The following MYRIP variants were observed in gnomAD, a reference collection of about 807,000 sequenced individuals.
The protein encoded by MYRIP is rab effector MyRIP.
A neutral mutation model predicts 98.0 loss-of-function variants in MYRIP; 49 were observed. The observed-to-expected ratio is 0.50, with a 90% CI of 0.40 to 0.63. MYRIP has a LOEUF of 0.63. Ranked by LOEUF, MYRIP falls within the 30% of genes least tolerant of loss-of-function variation. The pLI, the probability that MYRIP is intolerant of heterozygous loss-of-function variation, is 0.00. For missense variants in MYRIP, 1,004 were observed against 1,058.2 expected, an observed-to-expected ratio of 0.95 and a Z score of 0.71; for synonymous variants, 404 against 409.5, an observed-to-expected ratio of 0.99 and a Z score of 0.16.
At chr3:39,817,817 G>A (rs1294481052) in intron 1 of MYRIP, among the ~76,000 whole-genome samples, 1 of 152,036 alleles carries the variant, frequency 6.6e-6, no homozygotes, top group African/African-American at 2.4e-5. Flanking sequence ...TAAATAAAAT[G>A]TATCCTCTTG....
At chr3:39,976,172 G>A (rs574108899) in intron 2 of MYRIP, among the ~76,000 whole-genome samples, 2 of 152,078 alleles carry the variant, frequency 1.3e-5, no homozygotes, top group African/African-American at 4.8e-5. Flanking sequence ...CTAATATTCA[G>A]AATCTACAAT....
chr3:39,848,896 G>A (rs1023846960), intron 1 of MYRIP, among the ~76,000 whole-genome samples: 1 of 152,080 alleles, frequency 6.6e-6, no homozygotes, highest in African/African-American at 2.4e-5. Flanking sequence ...TGGTAAGGAG[G>A]AGTTGGAAAA....
chr3:39,860,350 A>T (rs763604083), intron 1 of MYRIP, among the ~76,000 whole-genome samples: 1 of 152,198 alleles, frequency 6.6e-6, no homozygotes, highest in Non-Finnish European at 1.5e-5. Context: ...TCCAGCTTGT[A>T]CAGAGCCCAG....
In MYRIP at chr3:40,244,551, G is replaced by A. The variant is rs1953125313; in HGVS notation, c.2206G>A (p.Asp736Asn). ...TGGCACTGATGAGACCCATCTGGCGGATCTGGAGGACCAGGTGGCCACGGC... is the reference window on the plus strand; with the variant it reads ...TGGCACTGATGAGACCCATCTGGCGAATCTGGAGGACCAGGTGGCCACGGC... The part of the protein sequence containing the change: ...HSGTDETHLA[D>N]LEDQVATAAA... Residue 736 changes from aspartate to asparagine, a missense_variant, in exon 13 of 17, where the codon GAT becomes AAT. Physicochemically the swap from Asp to Asn is conservative, Grantham distance 23 (BLOSUM62 1). Around this residue, in one of 3 missense-constraint regions of MYRIP, gnomAD observed 16 missense variants for 39.5 expected, o/e 0.41. Transcript: ENST00000302541. 6.2e-7 allele frequency: 1 copy of A among 1,613,930 alleles called. No homozygotes were observed. The highest frequency in any genetic ancestry group is 1.3e-5 in the African/African-American group (1 of 74,926).
At chr3:39,838,238 A>G (rs1941685141) in intron 1 of MYRIP, among the ~76,000 whole-genome samples, 1 of 144,740 alleles carries the variant, frequency 6.9e-6, no homozygotes, top group South Asian at 2.2e-4. Flanking sequence ...GGAACTTCCA[A>G]TACTATGTTG....
intron 2 of MYRIP, among the ~76,000 whole-genome samples, chr3:39,919,697 T>G (rs1210457570): frequency 3.1e-5 from 3 of 98,052 alleles, no homozygotes; most frequent in Admixed American, 8.9e-5. Context: ...ATGTGTGGTG[T>G]GTGTGTGTGT....
At position 40,098,144 on chromosome 3, in the gene MYRIP, G is replaced by A. The variant is rs527682923; in HGVS notation, c.333-52904G>A. Among the ~76,000 whole-genome samples, 7 of 152,320 alleles carry A rather than the reference G, an allele frequency of 4.6e-5. No homozygotes were observed. In the South Asian group the frequency reaches 1.5e-3, roughly 32 times the overall value. ...TCCATGATTTCAACTTATTTTTCAA[G>A]TCAAACAACAACAGCAGCCTTTTTG... On this transcript the variant is annotated intron_variant, in intron 3 of 16. Coordinates refer to ENST00000302541, the MANE Select transcript of MYRIP (RefSeq NM_015460.4).
At chr3:39,973,508 A>G (rs1238622435) in intron 2 of MYRIP, among the ~76,000 whole-genome samples, 1 of 152,190 alleles carries the variant, frequency 6.6e-6, no homozygotes, top group Non-Finnish European at 1.5e-5. Context: ...CAGAAAGTTA[A>G]CAAAGATATC....
intron 2 of MYRIP, among the ~76,000 whole-genome samples, chr3:39,996,285 C>A (rs540319335): frequency 1.3e-5 from 2 of 152,102 alleles, no homozygotes; most frequent in Non-Finnish European, 2.9e-5. Context: ...ATTCAGGAAA[C>A]CCATCTCACA....
At chr3:40,134,994 A>G (rs1194634618) in intron 3 of MYRIP, among the ~76,000 whole-genome samples, 1 of 152,230 alleles carries the variant, frequency 6.6e-6, no homozygotes, top group African/African-American at 2.4e-5. Flanking sequence ...CTCCAAAGGA[A>G]CGCAGCTCCT....
intron 2 of MYRIP, among the ~76,000 whole-genome samples, chr3:39,910,997 C>T (rs1047827133): frequency 2.0e-5 from 3 of 152,104 alleles, no homozygotes; most frequent in Admixed American, 1.3e-4. Flanking sequence ...CTGAGTCATG[C>T]CTCAGTGTTG....
chr3:40,005,401 G>T (rs569351716), intron 2 of MYRIP, among the ~76,000 whole-genome samples: 33 of 152,336 alleles, frequency 2.2e-4, no homozygotes, highest in African/African-American at 7.2e-4. Flanking sequence ...GCATAGATAT[G>T]CCATCAGGCA....
intron 2 of MYRIP, among the ~76,000 whole-genome samples, chr3:40,034,243 G>C (rs1292269022): frequency 6.6e-6 from 1 of 152,040 alleles, no homozygotes; most frequent in Non-Finnish European, 1.5e-5. Context: ...AAACTAAAGA[G>C]CTTCTGCACA....
intron 1 of MYRIP, among the ~76,000 whole-genome samples, chr3:39,865,241 T>C (rs1942585995): frequency 6.6e-6 from 1 of 152,098 alleles, no homozygotes; most frequent in Non-Finnish European, 1.5e-5. Context: ...ATGTATAACC[T>C]GGCAAAGATT....
chr3:39,989,278 G>A (rs902644066), intron 2 of MYRIP, among the ~76,000 whole-genome samples: 6 of 152,084 alleles, frequency 3.9e-5, no homozygotes, highest in African/African-American at 1.2e-4. Flanking sequence ...GCAGTTATCA[G>A]GTCCCTCTTC....
At chr3:40,094,146 C>G (rs1948780255) in intron 3 of MYRIP, among the ~76,000 whole-genome samples, 1 of 152,170 alleles carries the variant, frequency 6.6e-6, no homozygotes. Flanking sequence ...GAGTTTATGT[C>G]CATCTGGTGA....
At chr3:40,072,904 A>G (rs4676567) in intron 3 of MYRIP, among the ~76,000 whole-genome samples, 65,280 of 151,988 alleles carry the variant, frequency 0.43, 14,400 homozygotes, top group Admixed American at 0.49. Context: ...CCATCCATCC[A>G]TAGGCAAGGT....
In MYRIP at chr3:39,980,251, C is replaced by A. The variant is rs1945857165; in HGVS notation, c.111-63799C>A. Among the ~76,000 whole-genome samples the A allele has an allele frequency of 3.3e-5, 5 of 152,276 alleles. No individual in the cohort carries two copies. In the South Asian group the frequency reaches 1.0e-3, roughly 32 times the overall value. On this transcript the variant is annotated intron_variant, in intron 2 of 16. Transcript: ENST00000302541. ...GCCTGACCCCATGGGAGCTCTGGAG[C>A]ATTAATTGTACAACAGACTTGTTCC...
intron 1 of MYRIP, among the ~76,000 whole-genome samples, chr3:39,898,529 A>G (rs1350038690): frequency 6.6e-6 from 1 of 152,146 alleles, no homozygotes; most frequent in African/African-American, 2.4e-5. Flanking sequence ...AACTCTGGAC[A>G]TCAGATTTTA....
Sources: gnomAD v4.1 joint callset for allele counts (sites outside exome capture counted in the v4.1 genomes callset) on GRCh38, gnomAD v4.1.1 for gene constraint, gnomAD v4.1.1 regional missense constraint, MANE v1.5 for transcripts, NCBI Gene and HGNC (gene_info 2026-07-23, HGNC 2026-07-21) for gene names.